LHCGR: variants seen among roughly 807,000 people sequenced by gnomAD.
The protein encoded by LHCGR is lutropin-choriogonadotropic hormone receptor.
Under a neutral mutation model 60.7 loss-of-function variants are expected in LHCGR, and 55 were observed. That is an observed-to-expected ratio of 0.91 (90% CI 0.73 to 1.13). The LOEUF (loss-of-function observed/expected upper bound fraction) is 1.13. Ranked by LOEUF, LHCGR falls within the 50% of genes most tolerant of loss-of-function variation. The probability of loss-of-function intolerance (pLI) is 0.00; values close to 1 mark genes in which losing one functional copy is unlikely to be tolerated. For synonymous variants in LHCGR, 337 were observed against 316.5 expected (o/e 1.06, Z -0.69); for missense variants, 862 against 836.0 (o/e 1.03, Z -0.38).
rs147562624 is a variant in LHCGR, at chr2:48,717,715, G to A, written c.537-3661C>T. 6.8e-3 allele frequency among the ~76,000 whole-genome samples: 1,041 copies of A among 152,064 alleles called. 4 individuals are homozygous for A. The highest frequency in any genetic ancestry group is 0.014 in the Middle Eastern group (4 of 294). ...TAGGGGGTCTTTCTCTTCCTGGGCA[G>A]AGCAAGTCAGGTCAGTGGCCTGGGC... On this transcript the variant is annotated intron_variant, in intron 6 of 10. Transcript: ENST00000294954.
chr2:48,721,780 C>T (rs1337558485), intron 6 of LHCGR: 1 of 470,982 alleles, frequency 2.1e-6, no homozygotes, highest in Non-Finnish European at 4.4e-6. Flanking sequence ...TTGCCATGGG[C>T]TGTAACCAAA....
intron 1 of LHCGR, among the ~76,000 whole-genome samples, chr2:48,752,997 T>TGGGGGGGGGGGGGGGGGGGGG (rs1558909396): frequency 5.4e-5 from 1 of 18,434 alleles, no homozygotes; most frequent in Non-Finnish European, 9.8e-5. Context: ...GGGGGGGGGG[T>TGGGGGGGGGGGGGGGGGGGGG]GGGGAAGGGA....
In LHCGR at chr2:48,688,455, A is replaced by G. The variant is rs1468714952; in HGVS notation, c.1342T>C (p.Phe448Leu). ...GCSTAGFFTVFASELSVYTLT... is the reference protein window; with the variant it reads ...GCSTAGFFTVLASELSVYTLT... ...GTGTAGACAGAAAGTTCACTTGCGA[A>G]TACAGTGAAAAAGCCAGCAGTGCTG... Residue 448 changes from phenylalanine (F) to leucine (L), a missense_variant, in exon 11 of 11, where the codon TTC becomes CTC. Coordinates refer to ENST00000294954, the MANE Select transcript of LHCGR (RefSeq NM_000233.4). The surrounding 1 kb of genome is among the most constrained non-coding windows in gnomAD (Gnocchi z 5.2). 6.2e-7 allele frequency: 1 copy of G among 1,614,186 alleles called. No individual in the cohort carries two copies. Among genetic ancestry groups the G allele is most frequent in the South Asian group, 1.1e-5 (1 of 91,076 alleles).
At chr2:48,690,236 T>G (rs1680160421) in intron 10 of LHCGR, among the ~76,000 whole-genome samples, 1 of 152,222 alleles carries the variant, frequency 6.6e-6, no homozygotes, top group African/African-American at 2.4e-5. Flanking sequence ...CTCCTTGGTC[T>G]GGGTTCTGCC....
At chr2:48,699,627 A>G (rs1010609659) in intron 8 of LHCGR, among the ~76,000 whole-genome samples, 5 of 152,232 alleles carry the variant, frequency 3.3e-5, no homozygotes, top group African/African-American at 1.2e-4. Context: ...GTGTGGCATT[A>G]GCCATCATCT....
intron 2 of LHCGR, among the ~76,000 whole-genome samples, chr2:48,730,572 C>T (rs1348903816): frequency 6.6e-6 from 1 of 152,156 alleles, no homozygotes. Context: ...TGTGAGAACT[C>T]AATGGCCATG....
At chr2:48,691,770 C>T (rs1315267750) in intron 10 of LHCGR, among the ~76,000 whole-genome samples, 1 of 148,458 alleles carries the variant, frequency 6.7e-6, no homozygotes, top group Non-Finnish European at 1.5e-5. Context: ...CGCTTGAACT[C>T]GGGAGGTGGA....
intron 7 of LHCGR, among the ~76,000 whole-genome samples, chr2:48,711,563 G>T (rs187154010): frequency 2.1e-4 from 32 of 152,184 alleles, no homozygotes; most frequent in Non-Finnish European, 3.5e-4. Context: ...GTCCATTTTG[G>T]CATCTCTGTA....
intron 3 of LHCGR, among the ~76,000 whole-genome samples, chr2:48,726,734 G>A (rs1260163025): frequency 6.6e-6 from 1 of 152,184 alleles, no homozygotes; most frequent in Non-Finnish European, 1.5e-5. Context: ...CTAATCGTAT[G>A]ACCTTAGATA....
Position 48,694,278 on chromosome 2 carries a change from T to C in LHCGR, c.893A>G (p.Glu298Gly), listed in dbSNP as rs763141030. ...GCTTTCACATTGTTTGGAAAAGTTT[T>C]CAGAAATGGAATGTGAAAAATTCTG... ...KEQNFSHSIS[E>G]NFSKQCESTV... Residue 298 changes from glutamate to glycine, a missense_variant, in exon 10 of 11, where the codon GAA (glutamate) becomes GGA (glycine). By Grantham distance (98) the Glu-to-Gly change is moderately conservative. Transcript: ENST00000294954. 2 of 1,601,426 alleles carry C rather than the reference T, an allele frequency of 1.2e-6. No homozygotes were observed. Among genetic ancestry groups the C allele is most frequent in the Admixed American group, 3.4e-5 (2 of 59,394 alleles).
intron 1 of LHCGR, among the ~76,000 whole-genome samples, chr2:48,748,060 TC>T (rs1669791839): frequency 6.6e-6 from 1 of 152,136 alleles, no homozygotes; most frequent in Admixed American, 6.5e-5. Flanking sequence ...AAATGACACT[TC>T]CTCTGAGGCC....
intron 9 of LHCGR, among the ~76,000 whole-genome samples, chr2:48,697,803 G>C (rs979679108): frequency 4.6e-5 from 7 of 152,016 alleles, no homozygotes; most frequent in Admixed American, 2.0e-4. Context: ...AAGCAATAGA[G>C]TGCATCAAGA....
intron 1 of LHCGR, among the ~76,000 whole-genome samples, chr2:48,735,513 C>T (rs1358579679): frequency 6.6e-6 from 1 of 152,148 alleles, no homozygotes; most frequent in African/African-American, 2.4e-5. Context: ...GATCCTGATC[C>T]CTGTATCTCT....
At chr2:48,736,656 T>G (rs1669218269) in intron 1 of LHCGR, among the ~76,000 whole-genome samples, 1 of 152,232 alleles carries the variant, frequency 6.6e-6, no homozygotes, top group Non-Finnish European at 1.5e-5. Context: ...AAAGTAATGT[T>G]ACCTGGAGAG....
intron 1 of LHCGR, among the ~76,000 whole-genome samples, chr2:48,741,928 T>A (rs1669475106): frequency 6.6e-6 from 1 of 152,038 alleles, no homozygotes; most frequent in South Asian, 2.1e-4. Context: ...CCCATCAGTG[T>A]GCTGTATTCA....
chr2:48,714,306 C>A (rs886152157), intron 6 of LHCGR, among the ~76,000 whole-genome samples: 2 of 152,050 alleles, frequency 1.3e-5, no homozygotes, highest in Non-Finnish European at 2.9e-5. Context: ...AAGCCTAACC[C>A]TCAGTGTGGT....
At chr2:48,695,436 T>G (rs1667067418) in intron 9 of LHCGR, among the ~76,000 whole-genome samples, 1 of 152,208 alleles carries the variant, frequency 6.6e-6, no homozygotes, top group South Asian at 2.1e-4. Context: ...GAAAAGGGAA[T>G]TCTCATACAC....
intron 8 of LHCGR, among the ~76,000 whole-genome samples, chr2:48,704,317 C>T (rs142984391): frequency 0.012 from 1,882 of 152,246 alleles, 47 homozygotes; most frequent in African/African-American, 0.043. Flanking sequence ...ATTTTCGCAT[C>T]GATGTTCATC....
At chr2:48,711,369 T>TA (rs1380400494) in intron 7 of LHCGR, among the ~76,000 whole-genome samples, 1 of 152,228 alleles carries the variant, frequency 6.6e-6, no homozygotes, top group Non-Finnish European at 1.5e-5. Flanking sequence ...CTGTGACCTC[T>TA]CTACCATTGC....
Sources: allele counts gnomAD v4.1 joint callset (sites outside exome capture counted in the v4.1 genomes callset), GRCh38; gene constraint gnomAD v4.1.1; non-coding constraint Gnocchi (gnomAD v3.1); transcripts MANE v1.5; gene names NCBI Gene and HGNC (gene_info 2026-07-23, HGNC 2026-07-21).